The following HNRNPF variants were observed in gnomAD, a reference collection of about 807,000 sequenced individuals.
HNRNPF encodes HnRNP F protein.
HNRNPF carries 2 observed loss-of-function variants against 26.0 expected under a neutral mutation model. The observed-to-expected ratio is 0.08, with a 90% confidence interval of 0.03 to 0.24. HNRNPF has a LOEUF of 0.24. Ranked by LOEUF, HNRNPF falls within the 10% of genes least tolerant of loss-of-function variation. The pLI is 1.00. For synonymous variants in HNRNPF, 234 were observed against 211.5 expected (o/e 1.11, Z -0.92); for missense variants, 299 against 539.2 (o/e 0.55, Z 4.41).
chr10:43,394,920 T>G (rs1838409404), intron 2 of HNRNPF, among the ~76,000 whole-genome samples: 1 of 152,088 alleles, frequency 6.6e-6, no homozygotes, highest in African/African-American at 2.4e-5. Context: ...TTGATGAGAT[T>G]TACTCTTGAT....
At chr10:43,397,749 G>T (rs1838603924) in intron 1 of HNRNPF, among the ~76,000 whole-genome samples, 1 of 152,146 alleles carries the variant, frequency 6.6e-6, no homozygotes, top group Admixed American at 6.5e-5. Context: ...CAACTATAAA[G>T]CAATTTCGAT....
rs1337888317 is a variant in HNRNPF at position 43,386,354 on chromosome 10, C to T, written c.*283G>A. On this transcript the variant is annotated 3_prime_UTR_variant, in exon 4 of 4. Transcript: ENST00000682386. ...ACTGTGATGTGGTGTAAAAGATCCA[C>T]ATTTAACATACTTAAACTACTTAAA... The T allele has an allele frequency of 3.2e-6, 1 of 312,718 alleles. No individual in the cohort carries two copies. The highest frequency in any genetic ancestry group is 5.8e-6 in the Non-Finnish European group (1 of 171,742). The allele number at this position is 312,718 out of a possible 1,614,324, so 19.4% of individuals were successfully genotyped here.
chr10:43,402,304 C>T (rs1355809925), intron 1 of HNRNPF, among the ~76,000 whole-genome samples: 1 of 152,106 alleles, frequency 6.6e-6, no homozygotes, highest in Non-Finnish European at 1.5e-5. Context: ...GGAGTTTTAC[C>T]AACACACGCC....
chr10:43,407,300 G>A (rs1374377924), intron 1 of HNRNPF, among the ~76,000 whole-genome samples: 1 of 151,832 alleles, frequency 6.6e-6, no homozygotes. Context: ...GCAGATGGCC[G>A]GCCCGAGCCC....
In HNRNPF at chr10:43,387,648, T is replaced by G. The variant is rs771359209; in HGVS notation, c.237A>C (p.Gly79=). The part of the protein sequence containing the change: ...MALKKDRESM[G]HRYIEVFKSH... The stretch of plus-strand genomic sequence containing the variant: ...ACTTGAACACCTCAATGTACCGGTG[T>G]CCCATGCTTTCCCTGTCTTTTTTCA... Residue 79 remains glycine, a synonymous_variant, in exon 4 of 4, where the codon GGA becomes GGC. Coordinates refer to ENST00000682386, the MANE Select transcript of HNRNPF (RefSeq NM_001098204.2). This position sits in a 1 kb window ranked among gnomAD's most constrained non-coding sequence, Gnocchi z 6.0. 5.3e-5 allele frequency: 86 copies of G among 1,614,076 alleles called. No individual in the cohort carries two copies. Among genetic ancestry groups the G allele is most frequent in the Non-Finnish European group, 7.3e-5 (86 of 1,180,048 alleles).
At chr10:43,391,551 A>AG in intron 3 of HNRNPF, among the ~76,000 whole-genome samples, 1 of 152,006 alleles carries the variant, frequency 6.6e-6, no homozygotes, top group East Asian at 1.9e-4. Context: ...GTCCTACCCC[A>AG]GCACCCTGCT....
chr10:43,387,855 G>A lies in HNRNPF; in HGVS notation c.30C>T (p.Gly10=), dbSNP rs765982583. The change falls in exon 4 of 4, where the codon GGC becomes GGT. Residue 10 remains glycine (G), a synonymous_variant. Coordinates refer to ENST00000682386, the MANE Select transcript of HNRNPF (RefSeq NM_001098204.2). The surrounding 1 kb of genome is among the most constrained non-coding windows in gnomAD (Gnocchi z 6.0). ...GCAGGCCACGGAGCTTGACCACAAA[G>A]CCTTCACCTCCCTCAGGGCCCAGCA... The part of the protein sequence containing the change: MMLGPEGGE[G]FVVKLRGLPW... 1.2e-6 allele frequency: 2 copies of A among 1,611,932 alleles called. No homozygotes were observed. The highest frequency in any genetic ancestry group is 1.1e-5 in the South Asian group (1 of 91,064).
rs117815682 is a variant in HNRNPF at position 43,405,925 on chromosome 10, C to A, written c.-247+3206G>T. Among the ~76,000 whole-genome samples, 629 of 152,196 alleles carry A rather than the reference C, an allele frequency of 4.1e-3. 3 individuals carry two copies. Among genetic ancestry groups the A allele is most frequent in the Non-Finnish European group, 6.5e-3 (445 of 67,998 alleles). ...CAGGGCAACTAAGACAGGGCAAGGGCCCTGGCAGGGGAGGGGTGTCCCGGT... is the reference window on the plus strand; with the variant it reads ...CAGGGCAACTAAGACAGGGCAAGGGACCTGGCAGGGGAGGGGTGTCCCGGT... On this transcript the variant is annotated intron_variant, in intron 1 of 3. Transcript: ENST00000682386.
At chr10:43,390,967 T>C (rs1280619712) in intron 3 of HNRNPF, among the ~76,000 whole-genome samples, 2 of 152,070 alleles carry the variant, frequency 1.3e-5, no homozygotes, top group African/African-American at 2.4e-5. Context: ...TTCCCAAATG[T>C]TCTCTGGTGG....
chr10:43,402,818 G>A (rs1166618412), intron 1 of HNRNPF, among the ~76,000 whole-genome samples: 1 of 152,042 alleles, frequency 6.6e-6, no homozygotes, highest in Non-Finnish European at 1.5e-5. Context: ...GAAGCATTTT[G>A]TCTAACAGGA....
At chr10:43,401,790 T>C (rs1289048587) in intron 1 of HNRNPF, among the ~76,000 whole-genome samples, 5 of 152,168 alleles carry the variant, frequency 3.3e-5, no homozygotes, top group African/African-American at 7.2e-5. Context: ...CTCAGCCCCC[T>C]GAGGAAGGTA....
Position 43,387,309 on chromosome 10 carries a change from C to T in HNRNPF, c.576G>A (p.Arg192=), listed in dbSNP as rs138241960. The part of the protein sequence containing the change: ...EVFKSSQEEV[R]SYSDPPLKFM... ...ACTTCAGAGGGGGATCTGAGTATGA[C>T]CTAACTTCCTCCTGGCTGCTCTTAA... is the stretch of plus-strand genomic sequence containing the variant. The change falls in exon 4 of 4, where the codon AGG becomes AGA. Residue 192 remains arginine (R), a synonymous_variant. Transcript: ENST00000682386. This position sits in a 1 kb window ranked among gnomAD's most constrained non-coding sequence, Gnocchi z 6.0. 25 of 1,614,098 alleles carry T rather than the reference C, an allele frequency of 1.5e-5. No individual in the cohort carries two copies. The highest frequency in any genetic ancestry group is 2.0e-5 in the Non-Finnish European group (24 of 1,180,042).
In HNRNPF at chr10:43,394,622, T is replaced by G. The variant is rs1421462682; in HGVS notation, c.-53+8A>C. 2 of 152,090 alleles carry G rather than the reference T, an allele frequency of 1.3e-5. No individual in the cohort carries two copies. The highest frequency in any genetic ancestry group is 1.3e-4 in the Admixed American group (2 of 15,276). The allele number at this position is 152,090 out of a possible 1,614,324, so 9.4% of individuals were successfully genotyped here. ...AGCTGAAAAGGGGCTCTTCTTAAAA[T>G]AGCTTACCTTAAAAACAACCACGGA... is the stretch of plus-strand genomic sequence containing the variant. On this transcript the variant is annotated splice_region_variant and intron_variant, in intron 3 of 3. Transcript: ENST00000682386.
intron 3 of HNRNPF, among the ~76,000 whole-genome samples, chr10:43,388,703 C>T (rs997854101): frequency 7.2e-5 from 11 of 152,202 alleles, no homozygotes; most frequent in African/African-American, 2.7e-4. Context: ...AAGAGGGCAT[C>T]GGGAAGAAAG....
intron 1 of HNRNPF, among the ~76,000 whole-genome samples, chr10:43,405,644 A>C (rs1344783744): frequency 6.6e-6 from 1 of 150,794 alleles, no homozygotes; most frequent in Non-Finnish European, 1.5e-5. Context: ...TGACAAGAGC[A>C]AGATTCCGTC....
At chr10:43,402,155 G>A (rs1838772082) in intron 1 of HNRNPF, among the ~76,000 whole-genome samples, 1 of 152,108 alleles carries the variant, frequency 6.6e-6, no homozygotes, top group African/African-American at 2.4e-5. Flanking sequence ...AACTAAAACT[G>A]AGTTTTAAAT....
At chr10:43,389,938 C>A (rs752945960) in intron 3 of HNRNPF, among the ~76,000 whole-genome samples, 3 of 152,240 alleles carry the variant, frequency 2.0e-5, no homozygotes, top group African/African-American at 7.2e-5. Context: ...TAATCCTGAA[C>A]GGCAAATGAT....
intron 1 of HNRNPF, among the ~76,000 whole-genome samples, chr10:43,408,046 C>G (rs1041030501): frequency 3.9e-5 from 6 of 152,310 alleles, no homozygotes; most frequent in Non-Finnish European, 7.4e-5. Context: ...CTCAGCCTCC[C>G]GAGTAGCTGG....
intron 1 of HNRNPF, among the ~76,000 whole-genome samples, chr10:43,405,428 C>T (rs750564395): frequency 6.6e-5 from 10 of 151,624 alleles, no homozygotes; most frequent in Non-Finnish European, 1.0e-4. Flanking sequence ...AGGCCGAGGC[C>T]GGCGGATCAC....
Sources: gnomAD v4.1 joint callset for allele counts (sites outside exome capture counted in the v4.1 genomes callset) on GRCh38, gnomAD v4.1.1 for gene constraint, Gnocchi (gnomAD v3.1) non-coding constraint, MANE v1.5 for transcripts, NCBI Gene and HGNC (gene_info 2026-07-23, HGNC 2026-07-21) for gene names.